DLG2: variants seen among roughly 807,000 people sequenced by gnomAD.
DLG2 encodes the protein discs large MAGUK scaffold protein 2.
A neutral mutation model predicts 132.5 loss-of-function variants in DLG2; 45 were observed. The observed-to-expected ratio is 0.34, with a 90% CI of 0.27 to 0.44. The LOEUF is 0.44. Among genes scored for constraint, DLG2 ranks in the 20% least tolerant of loss-of-function variants. The pLI, the probability that DLG2 is intolerant of heterozygous loss-of-function variation, is 1.00. For synonymous variants in DLG2, 424 were observed against 419.6 expected (o/e 1.01, Z -0.13); for missense variants, 1,045 against 1,196.9 (o/e 0.87, Z 1.87).
intron 18 of DLG2, among the ~76,000 whole-genome samples, chr11:83,758,471 G>A (rs771187486): frequency 5.9e-5 from 9 of 152,156 alleles, no homozygotes; most frequent in East Asian, 3.9e-4. Flanking sequence ...CACATTTATC[G>A]AAATCTATGA....
rs188823617 is a variant in DLG2 at position 83,515,766 on chromosome 11, T to G, written c.2193+16942A>C. Among the ~76,000 whole-genome samples, 1,057 of 152,346 alleles carry G rather than the reference T, an allele frequency of 6.9e-3. 17 individuals are homozygous for G. Among genetic ancestry groups the G allele is most frequent in the African/African-American group, 0.025 (1,025 of 41,564 alleles). ...TTCAAAGAACATCTTTATTTCTGCC[T>G]TCATTTCGTTATGTACCTAGTAGTC... On this transcript the variant is annotated intron_variant, in intron 21 of 27. Transcript: ENST00000376104.
intron 5 of DLG2, among the ~76,000 whole-genome samples, chr11:85,154,141 A>G (rs1335826358): frequency 1.4e-5 from 2 of 147,598 alleles, no homozygotes; most frequent in Admixed American, 1.3e-4. Flanking sequence ...TGGAGAAAAA[A>G]AAAAAAAAAA....
intron 7 of DLG2, chr11:84,273,305 GGAAA>G: frequency 9.2e-6 from 4 of 436,298 alleles, no homozygotes; most frequent in East Asian, 1.1e-4. Flanking sequence ...CAGTTGAAGA[GGAAA>G]AAAAAAAAAA....
intron 6 of DLG2, among the ~76,000 whole-genome samples, chr11:84,708,127 A>C (rs1025611229): frequency 3.3e-5 from 5 of 151,806 alleles, no homozygotes; most frequent in African/African-American, 1.2e-4. Context: ...TCTGAAAAAT[A>C]TTATGGAGAA....
At chr11:84,502,179 T>C (rs1192276230) in intron 7 of DLG2, among the ~76,000 whole-genome samples, 11 of 28,142 alleles carry the variant, frequency 3.9e-4, no homozygotes, top group Non-Finnish European at 8.3e-4. Context: ...TCTCTCTTTC[T>C]CTCTCTTTCT....
chr11:83,812,566 G>T (rs182175486), intron 17 of DLG2, among the ~76,000 whole-genome samples: 9 of 152,198 alleles, frequency 5.9e-5, no homozygotes, highest in African/African-American at 2.2e-4. Context: ...TCCTCATAAG[G>T]TTTACTGGGA....
chr11:84,290,588 C>G (rs1267451912), intron 7 of DLG2, among the ~76,000 whole-genome samples: 2 of 152,140 alleles, frequency 1.3e-5, no homozygotes, highest in African/African-American at 4.8e-5. Context: ...GTACCAGGTA[C>G]AGCACTAAAT....
intron 6 of DLG2, among the ~76,000 whole-genome samples, chr11:84,655,020 G>A (rs956210531): frequency 1.3e-5 from 2 of 152,114 alleles, no homozygotes; most frequent in African/African-American, 4.8e-5. Context: ...ATGTTTTATA[G>A]CATTTCTGAA....
chr11:84,455,602 A>C (rs1168001661), intron 7 of DLG2, among the ~76,000 whole-genome samples: 2 of 151,368 alleles, frequency 1.3e-5, no homozygotes, highest in African/African-American at 2.4e-5. Flanking sequence ...TCAAAGGAAA[A>C]ATGTGGAAGT....
At chr11:83,877,667 T>C (rs2065114499) in intron 15 of DLG2, among the ~76,000 whole-genome samples, 1 of 152,210 alleles carries the variant, frequency 6.6e-6, no homozygotes, top group Non-Finnish European at 1.5e-5. Context: ...TCCTAGCATG[T>C]AGATTTGGAA....
rs987326771 is a variant in DLG2, at chr11:85,388,260, C to T, written c.41-102895G>A. ...TCCCCTGAGAACATAATTCCATTGA[C>T]CTGGGAACCACACCCCCAGCCCCCA... On this transcript the variant is annotated intron_variant, in intron 3 of 27. Coordinates refer to ENST00000376104, the MANE Select transcript of DLG2 (RefSeq NM_001142699.3). Among the ~76,000 whole-genome samples the T allele has an allele frequency of 2.0e-5, 3 of 152,070 alleles. No individual in the cohort carries two copies. The South Asian group carries it at 6.2e-4, about 32-fold the overall frequency.
At chr11:83,732,903 C>G (rs562937147) in intron 18 of DLG2, among the ~76,000 whole-genome samples, 57 of 152,100 alleles carry the variant, frequency 3.7e-4, no homozygotes, top group Non-Finnish European at 6.9e-4. Context: ...TTCTCCATAA[C>G]TGAACCACTT....
rs761324117 is a variant in DLG2, at chr11:83,483,743, ATAATT to A, written c.2293+381_2293+385del. 5.3e-5 allele frequency among the ~76,000 whole-genome samples: 8 copies of A among 152,198 alleles called. No individual in the cohort carries two copies. The South Asian group carries it at 8.3e-4, about 16-fold the overall frequency. ...CTAGTTTATCTTTAAATCAATAAAGATAATTTAATTGTTCCTAACATTCCAAAAAA... is the reference window on the plus strand; with the variant it reads ...CTAGTTTATCTTTAAATCAATAAAGATAATTGTTCCTAACATTCCAAAAAA... On this transcript the variant is annotated intron_variant, in intron 22 of 27. Coordinates refer to ENST00000376104, the MANE Select transcript of DLG2 (RefSeq NM_001142699.3).
At chr11:84,019,056 G>A (rs1010197741) in intron 11 of DLG2, among the ~76,000 whole-genome samples, 1 of 151,802 alleles carries the variant, frequency 6.6e-6, no homozygotes, top group Non-Finnish European at 1.5e-5. Flanking sequence ...TTCTATTTTT[G>A]TTCTAGGTGG....
At chr11:84,611,550 T>C (rs2099595644) in intron 6 of DLG2, among the ~76,000 whole-genome samples, 1 of 152,152 alleles carries the variant, frequency 6.6e-6, no homozygotes, top group South Asian at 2.1e-4. Context: ...ACCACTCTAA[T>C]TGTCACCCAA....
chr11:85,217,168 T>C (rs1276625539), intron 4 of DLG2, among the ~76,000 whole-genome samples: 1 of 152,024 alleles, frequency 6.6e-6, no homozygotes, highest in Non-Finnish European at 1.5e-5. Context: ...AAATTATAAT[T>C]TTTTTAAAAA....
chr11:84,964,210 T>G (rs762896443), intron 6 of DLG2, among the ~76,000 whole-genome samples: 1 of 152,116 alleles, frequency 6.6e-6, no homozygotes, highest in African/African-American at 2.4e-5. Context: ...AGAAAAGTAT[T>G]TGATTGGAAA....
intron 7 of DLG2, among the ~76,000 whole-genome samples, chr11:84,311,078 T>C (rs1475755999): frequency 1.3e-5 from 2 of 152,170 alleles, no homozygotes. Flanking sequence ...TGCACAGTTG[T>C]AAATTGCTGA....
At chr11:84,805,490 G>C (rs1353375500) in intron 6 of DLG2, among the ~76,000 whole-genome samples, 1 of 152,194 alleles carries the variant, frequency 6.6e-6, no homozygotes, top group Admixed American at 6.5e-5. Flanking sequence ...GAGGGGCCTG[G>C]TGGGAGGTGA....
Sources: allele counts gnomAD v4.1 joint callset (sites outside exome capture counted in the v4.1 genomes callset), GRCh38; gene constraint gnomAD v4.1.1; transcripts MANE v1.5; gene names NCBI Gene and HGNC (gene_info 2026-07-23, HGNC 2026-07-21).